The following PARD3B variants were observed in gnomAD, a reference collection of about 807,000 sequenced individuals.
PARD3B encodes the protein partitioning defective 3 homolog B.
In PARD3B, 103 loss-of-function variants were observed where a neutral mutation model predicts 130.2. The observed-to-expected ratio is 0.79, with a 90% CI of 0.67 to 0.93. The LOEUF (loss-of-function observed/expected upper bound fraction) is 0.93. Ranked by LOEUF, PARD3B falls within the 40% of genes least tolerant of loss-of-function variation. PARD3B has a pLI of 0.00. For missense variants in PARD3B, 1,609 were observed against 1,499.2 expected (o/e 1.07, Z -1.21); for synonymous variants, 583 against 553.2 (o/e 1.05, Z -0.76).
intron 16 of PARD3B, among the ~76,000 whole-genome samples, chr2:205,293,154 C>A (rs1022296611): frequency 1.3e-5 from 2 of 151,820 alleles, no homozygotes; most frequent in East Asian, 3.9e-4. Flanking sequence ...AATACAGGTG[C>A]CCAGGCTATA....
intron 1 of PARD3B, among the ~76,000 whole-genome samples, chr2:204,547,114 G>A (rs2030022357): frequency 6.6e-6 from 1 of 152,124 alleles, no homozygotes; most frequent in Admixed American, 6.5e-5. Flanking sequence ...CTAAAATAGT[G>A]GGTTGGTCAA....
intron 2 of PARD3B, among the ~76,000 whole-genome samples, chr2:204,749,996 T>C (rs2040398308): frequency 6.6e-6 from 1 of 152,206 alleles, no homozygotes; most frequent in Admixed American, 6.6e-5. Flanking sequence ...CTCTCTTGTC[T>C]CTAATTGGGT....
In PARD3B at chr2:204,907,775, C is replaced by T. The variant is rs1420024691; in HGVS notation, c.223-57377C>T. ...AGAGTACAGTGTTGCAATCTTGGCT[C>T]ACTGCAACCTCCGCCTCCCAGGGTC... On this transcript the variant is annotated intron_variant, in intron 2 of 22. Coordinates refer to ENST00000406610, the MANE Select transcript of PARD3B (RefSeq NM_001302769.2). The surrounding 1 kb of genome is among the most constrained non-coding windows in gnomAD (Gnocchi z 5.7). 3.9e-5 allele frequency among the ~76,000 whole-genome samples: 6 copies of T among 152,212 alleles called. No homozygotes were observed. Among genetic ancestry groups the T allele is most frequent in the African/African-American group, 1.4e-4 (6 of 41,510 alleles).
At chr2:205,391,454 G>T (rs2045857461) in intron 18 of PARD3B, among the ~76,000 whole-genome samples, 1 of 152,192 alleles carries the variant, frequency 6.6e-6, no homozygotes, top group Non-Finnish European at 1.5e-5. Flanking sequence ...ATTTTCTACT[G>T]CTTTGAAATA....
intron 1 of PARD3B, among the ~76,000 whole-genome samples, chr2:204,668,671 CT>C: frequency 6.6e-6 from 1 of 152,168 alleles, no homozygotes; most frequent in Admixed American, 6.5e-5. Flanking sequence ...GTTAAGACAC[CT>C]TTTTCATAAA....
In PARD3B at chr2:205,314,169, G is replaced by A. The variant is rs1335982445; in HGVS notation, c.2630+12468G>A. Among the ~76,000 whole-genome samples the A allele has an allele frequency of 4.6e-5, 7 of 152,160 alleles. No individual in the cohort carries two copies. The South Asian group carries it at 6.2e-4, about 14-fold the overall frequency. ...TTTGCTTGGGGGGCAAATGGAATCC[G>A]TTCTTTGTTTAGTACCTTTTATCTG... On this transcript the variant is annotated intron_variant, in intron 18 of 22. Coordinates refer to ENST00000406610, the MANE Select transcript of PARD3B (RefSeq NM_001302769.2).
chr2:204,965,140 A>T lies in PARD3B; in HGVS notation c.223-12A>T. On this transcript the variant is annotated splice_polypyrimidine_tract_variant and intron_variant, in intron 2 of 22. Coordinates refer to ENST00000406610, the MANE Select transcript of PARD3B (RefSeq NM_001302769.2). The stretch of plus-strand genomic sequence containing the variant: ...CCTACAAAGTAATTAGTGTTGTTGG[A>T]TTTGTTTGTAGCTGATTGCTGTGTT... The T allele has an allele frequency of 6.2e-7, 1 of 1,611,234 alleles. No homozygotes were observed. Among genetic ancestry groups the T allele is most frequent in the Non-Finnish European group, 8.5e-7 (1 of 1,178,144 alleles).
chr2:204,595,411 G>A (rs1364583528), intron 1 of PARD3B, among the ~76,000 whole-genome samples: 2 of 152,206 alleles, frequency 1.3e-5, no homozygotes, highest in African/African-American at 2.4e-5. Context: ...GAAATAGTGT[G>A]TCCCAGGCAG....
At chr2:204,649,294 G>A (rs2035398068) in intron 1 of PARD3B, among the ~76,000 whole-genome samples, 1 of 151,242 alleles carries the variant, frequency 6.6e-6, no homozygotes, top group African/African-American at 2.4e-5. Flanking sequence ...ATATTATTGA[G>A]TTTTAAGAGT....
chr2:205,178,853 C>A (rs1041351551), intron 13 of PARD3B, among the ~76,000 whole-genome samples: 1 of 152,088 alleles, frequency 6.6e-6, no homozygotes, highest in African/African-American at 2.4e-5. Context: ...CTGAAAAATT[C>A]CTAATGCTAT....
At chr2:205,066,245 T>C (rs545897183) in intron 4 of PARD3B, among the ~76,000 whole-genome samples, 1 of 152,292 alleles carries the variant, frequency 6.6e-6, no homozygotes, top group African/African-American at 2.4e-5. Flanking sequence ...CCCACCCTTT[T>C]AGCATTTCTT....
At chr2:204,557,744 T>C (rs902393164) in intron 1 of PARD3B, among the ~76,000 whole-genome samples, 2 of 152,226 alleles carry the variant, frequency 1.3e-5, no homozygotes, top group Non-Finnish European at 2.9e-5. Context: ...ACATTTGCTG[T>C]AGGCAGTAGT....
chr2:204,793,533 C>T (rs987206875), intron 2 of PARD3B, among the ~76,000 whole-genome samples: 17 of 151,836 alleles, frequency 1.1e-4, no homozygotes, highest in African/African-American at 3.4e-4. Context: ...GGTGAGAAAG[C>T]GTCTCACACT....
At chr2:205,040,199 T>G (rs542069172) in intron 3 of PARD3B, among the ~76,000 whole-genome samples, 2 of 152,306 alleles carry the variant, frequency 1.3e-5, no homozygotes, top group East Asian at 1.9e-4. Flanking sequence ...CCTGACCTCG[T>G]GATCCACCCA....
intron 3 of PARD3B, among the ~76,000 whole-genome samples, chr2:205,002,107 CTGTCAATTCCCTTAAAGCT>C (rs1443960401): frequency 6.6e-6 from 1 of 152,176 alleles, no homozygotes; most frequent in Non-Finnish European, 1.5e-5. Flanking sequence ...ACCCAACTGC[CTGTCAATTCCCTTAAAGCT>C]TGTCAATAGT....
chr2:204,792,368 T>C (rs1439975421), intron 2 of PARD3B, among the ~76,000 whole-genome samples: 1 of 152,136 alleles, frequency 6.6e-6, no homozygotes, highest in Non-Finnish European at 1.5e-5. Context: ...TTAAAGAATA[T>C]AGCAATAATG....
At position 204,924,948 on chromosome 2, in the gene PARD3B, A is replaced by G. The variant is rs547047318; in HGVS notation, c.223-40204A>G. On this transcript the variant is annotated intron_variant, in intron 2 of 22. Transcript: ENST00000406610. ...GAAGAAATTCTGCCAACTGTAACATATGTACCTGAGCTATACACACACGCA... is the reference window on the plus strand; with the variant it reads ...GAAGAAATTCTGCCAACTGTAACATGTGTACCTGAGCTATACACACACGCA... 7.2e-5 allele frequency among the ~76,000 whole-genome samples: 11 copies of G among 152,262 alleles called. No individual in the cohort carries two copies. The South Asian group carries it at 1.4e-3, about 20-fold the overall frequency.
chr2:204,661,735 T>C (rs968311359), intron 1 of PARD3B, among the ~76,000 whole-genome samples: 1 of 152,226 alleles, frequency 6.6e-6, no homozygotes, highest in Admixed American at 6.5e-5. Flanking sequence ...AAATAATATA[T>C]TTTTATGAGA....
intron 3 of PARD3B, among the ~76,000 whole-genome samples, chr2:205,029,658 A>G (rs968905345): frequency 3.3e-5 from 5 of 152,180 alleles, no homozygotes; most frequent in African/African-American, 1.2e-4. Context: ...TGTGTTATGC[A>G]TTAGTATGTA....
Sources: allele counts gnomAD v4.1 joint callset (sites outside exome capture counted in the v4.1 genomes callset), GRCh38; gene constraint gnomAD v4.1.1; non-coding constraint Gnocchi (gnomAD v3.1); transcripts MANE v1.5; gene names NCBI Gene and HGNC (gene_info 2026-07-23, HGNC 2026-07-21).